GARNL3: variants seen among roughly 807,000 people sequenced by gnomAD.
GARNL3 encodes GTPase-activating Rap/Ran-GAP domain-like protein 3.
Under a neutral mutation model 125.0 loss-of-function variants are expected in GARNL3, and 63 were observed. The ratio of observed to expected loss-of-function variants is 0.50; its 90% CI spans 0.41 to 0.62. GARNL3 has a LOEUF of 0.62. GARNL3 is among the 20% of genes least tolerant of loss of function. The pLI is 0.00. For missense variants in GARNL3, 994 were observed against 1,244.0 expected (o/e 0.80, Z 3.02); for synonymous variants, 439 against 457.5 (o/e 0.96, Z 0.52).
At chr9:127,373,576 G>T (rs1312247170) in intron 22 of GARNL3, among the ~76,000 whole-genome samples, 2 of 152,072 alleles carry the variant, frequency 1.3e-5, no homozygotes, top group Non-Finnish European at 2.9e-5. Flanking sequence ...ACCAGCCTGA[G>T]CAATATAGTG....
chr9:127,307,040 AT>A (rs920807965), intron 2 of GARNL3, among the ~76,000 whole-genome samples: 213 of 149,634 alleles, frequency 1.4e-3, no homozygotes, highest in African/African-American at 4.7e-3. Context: ...AATATCTTTG[AT>A]TTTTTTTTTG....
intron 2 of GARNL3, among the ~76,000 whole-genome samples, chr9:127,247,251 A>G (rs1037158831): frequency 6.6e-6 from 1 of 152,200 alleles, no homozygotes; most frequent in Non-Finnish European, 1.5e-5. Context: ...TGTACACTGA[A>G]GAGCCCAGTT....
intron 2 of GARNL3, among the ~76,000 whole-genome samples, chr9:127,291,693 C>A (rs1021570140): frequency 4.9e-5 from 7 of 142,760 alleles, no homozygotes; most frequent in Non-Finnish European, 1.1e-4. Context: ...CTCTCTGGGT[C>A]TTCCTTGCTG....
intron 1 of GARNL3, among the ~76,000 whole-genome samples, chr9:127,282,854 C>T (rs1277902136): frequency 2.0e-5 from 3 of 151,730 alleles, no homozygotes; most frequent in Non-Finnish European, 4.4e-5. Context: ...TGAAAAATTA[C>T]ATATTTGTAT....
intron 2 of GARNL3, chr9:127,300,602 G>GCC (rs2064753861): frequency 3.4e-6 from 1 of 297,036 alleles, no homozygotes; most frequent in Non-Finnish European, 6.4e-6. Flanking sequence ...CTACAGGCAT[G>GCC]CGCCACCACG....
chr9:127,264,882 T>C lies in GARNL3; in HGVS notation c.5T>C (p.Val2Ala), dbSNP rs763857242. 12 of 1,574,814 alleles carry C rather than the reference T, an allele frequency of 7.6e-6. No homozygotes were observed. The African/African-American group carries it at 1.6e-4, about 21-fold the overall frequency. Reference sequence around the variant, plus strand: ...CCATAGCAGCCCTTTTTGCAAATGGTAGTTGATTTTTGCAGAAGGTTTGTG... The same window carrying C: ...CCATAGCAGCCCTTTTTGCAAATGGCAGTTGATTTTTGCAGAAGGTTTGTG... The part of the protein sequence containing the change: M[V>A]VDFCRRFVAR... The change falls in exon 1 of 28, where the codon GTA becomes GCA. Residue 2 changes from valine to alanine, a missense_variant. Physicochemically the swap from Val to Ala is moderately conservative, Grantham distance 64 (BLOSUM62 0). Coordinates refer to ENST00000373387, the MANE Select transcript of GARNL3 (RefSeq NM_032293.5).
intron 1 of GARNL3, among the ~76,000 whole-genome samples, chr9:127,233,600 T>C (rs915483269): frequency 6.6e-6 from 1 of 152,236 alleles, no homozygotes; most frequent in African/African-American, 2.4e-5. Context: ...AAATTATGCT[T>C]GCTAAGTTTA....
At chr9:127,324,122 A>G (rs1370294128) in intron 6 of GARNL3, among the ~76,000 whole-genome samples, 1 of 152,056 alleles carries the variant, frequency 6.6e-6, no homozygotes, top group Non-Finnish European at 1.5e-5. Flanking sequence ...ATGATGGTAC[A>G]CACCCATAGT....
In GARNL3 at chr9:127,321,024, G is replaced by A. The variant is rs141801282; in HGVS notation, c.567+246G>A. ...TAATGCGTAGCCACTCCTGAGAACC[G>A]CAGAACTGTCCTCAATCCACGAACC... On this transcript the variant is annotated intron_variant, in intron 6 of 27. Coordinates refer to ENST00000373387, the MANE Select transcript of GARNL3 (RefSeq NM_032293.5). Among the ~76,000 whole-genome samples, 533 of 152,282 alleles carry A rather than the reference G, an allele frequency of 3.5e-3. 4 individuals carry two copies. The highest frequency in any genetic ancestry group is 0.012 in the African/African-American group (519 of 41,564).
Position 127,383,567 on chromosome 9 carries a change from A to G in GARNL3, c.2269+22A>G, listed in dbSNP as rs368533896. 4.7e-6 allele frequency: 7 copies of G among 1,487,252 alleles called. No homozygotes were observed. The African/African-American group carries it at 5.6e-5, about 12-fold the overall frequency. The allele number at this position is 1,487,252 out of a possible 1,614,324, so 92.1% of individuals were successfully genotyped here. On this transcript the variant is annotated intron_variant, in intron 23 of 27. Transcript: ENST00000373387. ...ATTGGTAAGAAAAGTCTTTATCATA[A>G]TGCTTTTCTCCTTCATGGATATGTC...
chr9:127,241,375 C>T (rs2063201766), intron 1 of GARNL3, among the ~76,000 whole-genome samples: 1 of 152,082 alleles, frequency 6.6e-6, no homozygotes, highest in South Asian at 2.1e-4. Context: ...CTAAGGTAGC[C>T]GTAAACTCTA....
rs566732340 is a variant in GARNL3, at chr9:127,360,081, C to T, written c.2094+2704C>T. 9.9e-5 allele frequency among the ~76,000 whole-genome samples: 15 copies of T among 152,224 alleles called. No individual in the cohort carries two copies. The East Asian group carries it at 2.5e-3, about 25-fold the overall frequency. On this transcript the variant is annotated intron_variant, in intron 21 of 27. Coordinates refer to ENST00000373387, the MANE Select transcript of GARNL3 (RefSeq NM_032293.5). ...TGTCGCCCAGGCTGGAGTGCAGTGG[C>T]GCAATCTCGGCTCACTGCAACCTCT...
rs939386137 is a variant in GARNL3 at position 127,332,951 on chromosome 9, T to G, written c.671-72T>G. The G allele has an allele frequency of 7.9e-5, 83 of 1,045,788 alleles. No homozygotes were observed. The African/African-American group carries it at 1.2e-3, about 15-fold the overall frequency. 64.8% of individuals were successfully genotyped at this position (1,045,788 alleles called of 1,614,324 possible). A position where few individuals can be genotyped will look rare whatever the true frequency, so the allele number is the denominator to read the frequency against. On this transcript the variant is annotated intron_variant, in intron 8 of 27. Transcript: ENST00000373387. ...CAGAGCCCAGTTAATTTTCCAGCGA[T>G]TCCGGTCCATAGTTAGAAAATGAGG...
intron 2 of GARNL3, among the ~76,000 whole-genome samples, chr9:127,298,711 A>C (rs368596557): frequency 6.6e-6 from 1 of 152,208 alleles, no homozygotes; most frequent in South Asian, 2.1e-4. Context: ...CAAACAGTAC[A>C]TGTGGTTTTA....
chr9:127,367,374 AAAT>A (rs1831341703), intron 22 of GARNL3: 1 of 152,236 alleles, frequency 6.6e-6, no homozygotes, highest in Admixed American at 6.5e-5. Context: ...TCTGTATTAA[AAAT>A]AAAGCAAAAT....
chr9:127,237,435 T>C (rs2063132170), intron 1 of GARNL3, among the ~76,000 whole-genome samples: 1 of 152,238 alleles, frequency 6.6e-6, no homozygotes, highest in South Asian at 2.1e-4. Context: ...TTGTGGAATC[T>C]AAATCACGTC....
intron 22 of GARNL3, among the ~76,000 whole-genome samples, chr9:127,374,504 T>A (rs1831784547): frequency 6.6e-6 from 1 of 151,926 alleles, no homozygotes; most frequent in Admixed American, 6.6e-5. Flanking sequence ...AAAGAAAAAA[T>A]TAATAAATTG....
intron 1 of GARNL3, among the ~76,000 whole-genome samples, chr9:127,284,660 A>G (rs1051788710): frequency 6.6e-6 from 1 of 151,960 alleles, no homozygotes; most frequent in Non-Finnish European, 1.5e-5. Context: ...CACCTATCAC[A>G]TTATGTGTTT....
chr9:127,389,116 C>A lies in GARNL3; in HGVS notation c.2740C>A (p.Leu914Met). 6.2e-7 allele frequency: 1 copy of A among 1,610,898 alleles called. No homozygotes were observed. Residue 914 changes from leucine to methionine, a missense_variant, in exon 26 of 28, where the codon CTG (leucine) becomes ATG (methionine). By Grantham distance (15) the Leu-to-Met change is conservative. Transcript: ENST00000373387. ...AGCAAGCAGGACCCGCAGGGAACTA[C>A]TGGGTAATGGTTCTCAATCCTGGTT... ...EIASRTRREL[L>M]GLSDEGGPKS...
Sources: allele counts gnomAD v4.1 joint callset (sites outside exome capture counted in the v4.1 genomes callset), GRCh38; gene constraint gnomAD v4.1.1; transcripts MANE v1.5; gene names NCBI Gene and HGNC (gene_info 2026-07-23, HGNC 2026-07-21).